The following DOCK3 variants were observed in gnomAD, a reference collection of about 807,000 sequenced individuals.
The protein encoded by DOCK3 is dedicator of cytokinesis protein 3.
In DOCK3, 60 loss-of-function variants were observed where a neutral mutation model predicts 265.6. The ratio of observed to expected loss-of-function variants is 0.23; its 90% CI spans 0.18 to 0.28. The LOEUF (loss-of-function observed/expected upper bound fraction) is 0.28, where lower values mean the gene tolerates loss of function less well. Ranked by LOEUF, DOCK3 falls within the 10% of genes least tolerant of loss-of-function variation. The pLI is 1.00. For synonymous variants in DOCK3, 881 were observed against 938.0 expected, an observed-to-expected ratio of 0.94 and a Z score of 1.11; for missense variants, 1,981 against 2,594.3, an observed-to-expected ratio of 0.76 and a Z score of 5.14.
At chr3:50,859,796 T>G (rs1312674457) in intron 3 of DOCK3, among the ~76,000 whole-genome samples, 1 of 152,160 alleles carries the variant, frequency 6.6e-6, no homozygotes. Flanking sequence ...ATTGGTCAGT[T>G]GGTAGACTCT....
intron 12 of DOCK3, among the ~76,000 whole-genome samples, chr3:51,179,445 T>C (rs554680620): frequency 2.0e-4 from 31 of 152,150 alleles, no homozygotes; most frequent in Non-Finnish European, 4.1e-4. Flanking sequence ...ATTTAACAAT[T>C]TCGAGTAAAC....
intron 9 of DOCK3, among the ~76,000 whole-genome samples, chr3:51,120,905 G>T (rs112379410): frequency 6.6e-6 from 1 of 152,154 alleles, no homozygotes; most frequent in Non-Finnish European, 1.5e-5. Context: ...GCTTGTCCCC[G>T]TGAGGGTGGG....
rs572636362 is a variant in DOCK3 at position 51,047,132 on chromosome 3, A to T, written c.316-17316A>T. Reference sequence around the variant, plus strand: ...ACTTTATTATGCCTCAAGAAGCTAGAAAAAGAAAACTAAGCCTAAAGTTAG... The same window carrying T: ...ACTTTATTATGCCTCAAGAAGCTAGTAAAAGAAAACTAAGCCTAAAGTTAG... On this transcript the variant is annotated intron_variant, in intron 5 of 52. Coordinates refer to ENST00000266037, the MANE Select transcript of DOCK3 (RefSeq NM_004947.5). Among the ~76,000 whole-genome samples the T allele has an allele frequency of 3.3e-5, 5 of 152,194 alleles. No individual in the cohort carries two copies. In the South Asian group the frequency reaches 1.0e-3, roughly 32 times the overall value.
chr3:50,937,877 A>T (rs1346038789), intron 5 of DOCK3, among the ~76,000 whole-genome samples: 1 of 152,098 alleles, frequency 6.6e-6, no homozygotes, highest in East Asian at 1.9e-4. Context: ...AAAAGTAAAT[A>T]CCAAAATGGC....
At chr3:51,036,583 A>G (rs2080275787) in intron 5 of DOCK3, among the ~76,000 whole-genome samples, 4 of 152,154 alleles carry the variant, frequency 2.6e-5, no homozygotes, top group Admixed American at 2.6e-4. Context: ...CAGAATGCTG[A>G]ACTTCATACT....
intron 3 of DOCK3, chr3:50,877,795 T>A (rs1043233984): frequency 7.1e-6 from 2 of 281,442 alleles, no homozygotes; most frequent in Admixed American, 5.0e-5. Context: ...TGCCTCAGCC[T>A]CCTGAGTAGC....
intron 12 of DOCK3, among the ~76,000 whole-genome samples, chr3:51,204,992 A>G (rs2089086867): frequency 6.6e-6 from 1 of 151,960 alleles, no homozygotes; most frequent in South Asian, 2.1e-4. Context: ...CAGGACGGGG[A>G]ACATCACACT....
intron 26 of DOCK3, among the ~76,000 whole-genome samples, chr3:51,279,166 C>T (rs934585041): frequency 1.3e-5 from 2 of 152,060 alleles, no homozygotes; most frequent in Admixed American, 6.6e-5. Flanking sequence ...GCAGGAGAAT[C>T]GCTTATACCT....
intron 1 of DOCK3, among the ~76,000 whole-genome samples, chr3:50,746,146 G>A (rs2039424767): frequency 7.7e-6 from 1 of 129,398 alleles, no homozygotes; most frequent in African/African-American, 2.9e-5. Flanking sequence ...GTCTTACTCT[G>A]TTGCCCAGGC....
intron 3 of DOCK3, among the ~76,000 whole-genome samples, chr3:50,880,020 C>T (rs1444950471): frequency 6.6e-6 from 1 of 152,168 alleles, no homozygotes; most frequent in Non-Finnish European, 1.5e-5. Context: ...ACAACCTGCT[C>T]CTGAATGACT....
At chr3:51,373,429 G>A (rs937752459) in intron 49 of DOCK3, among the ~76,000 whole-genome samples, 1 of 152,186 alleles carries the variant, frequency 6.6e-6, no homozygotes, top group Admixed American at 6.5e-5. Flanking sequence ...TGAGGGCTCC[G>A]ATTCCCCCAG....
chr3:51,317,737 C>A (rs116073003), intron 32 of DOCK3, among the ~76,000 whole-genome samples: 18,875 of 151,428 alleles, frequency 0.12, 1,506 homozygotes, highest in Middle Eastern at 0.19. Flanking sequence ...ACAATGTATA[C>A]ATATATCAAA....
intron 5 of DOCK3, among the ~76,000 whole-genome samples, chr3:50,952,622 A>G (rs2076623644): frequency 6.6e-6 from 1 of 152,146 alleles, no homozygotes; most frequent in Admixed American, 6.5e-5. Context: ...CCCTTGTCAC[A>G]ACTTCCACCC....
chr3:50,838,570 G>C (rs1332563584), intron 2 of DOCK3, among the ~76,000 whole-genome samples: 1 of 152,160 alleles, frequency 6.6e-6, no homozygotes, highest in Non-Finnish European at 1.5e-5. Context: ...TTCTTTGCTA[G>C]TATTCTGAAA....
intron 9 of DOCK3, among the ~76,000 whole-genome samples, chr3:51,125,168 G>A (rs2106821695): frequency 6.6e-6 from 1 of 152,180 alleles, no homozygotes; most frequent in East Asian, 1.9e-4. Context: ...TTAAGAGAGA[G>A]TAAAAAGCAA....
intron 38 of DOCK3, among the ~76,000 whole-genome samples, chr3:51,346,824 C>T (rs574262024): frequency 1.3e-5 from 2 of 152,270 alleles, no homozygotes; most frequent in South Asian, 4.1e-4. Flanking sequence ...TTTTAATGAT[C>T]ACCATTCTAA....
intron 5 of DOCK3, among the ~76,000 whole-genome samples, chr3:51,035,290 CT>C (rs1434121547): frequency 6.6e-6 from 1 of 151,564 alleles, no homozygotes; most frequent in Admixed American, 6.6e-5. Flanking sequence ...TCTTTTTATT[CT>C]TTGTCTTTTC....
chr3:50,945,846 T>C (rs1384258097), intron 5 of DOCK3, among the ~76,000 whole-genome samples: 1 of 152,132 alleles, frequency 6.6e-6, no homozygotes, highest in African/African-American at 2.4e-5. Context: ...TGTCACAATT[T>C]GCTAGCTGCA....
chr3:50,924,936 G>A (rs1454067534), intron 4 of DOCK3, among the ~76,000 whole-genome samples: 2 of 152,218 alleles, frequency 1.3e-5, no homozygotes, highest in South Asian at 4.1e-4. Context: ...TAGTCTCACA[G>A]CATGTAAGCA....
Sources: allele counts gnomAD v4.1 joint callset (sites outside exome capture counted in the v4.1 genomes callset), GRCh38; gene constraint gnomAD v4.1.1; transcripts MANE v1.5; gene names NCBI Gene and HGNC (gene_info 2026-07-23, HGNC 2026-07-21).